Variants in SHC1 observed in about 807,000 individuals in gnomAD.
The protein encoded by SHC1 is SHC adaptor protein 1, also known as SHC-transforming protein 1.
In SHC1, 30 loss-of-function variants were observed where a neutral mutation model predicts 55.9. The ratio of observed to expected loss-of-function variants is 0.54; its 90% confidence interval spans 0.40 to 0.73. The LOEUF (loss-of-function observed/expected upper bound fraction) is 0.73. Ranked by LOEUF, SHC1 falls within the 30% of genes least tolerant of loss-of-function variation. SHC1 has a pLI of 0.00. For missense variants in SHC1, 675 were observed against 777.1 expected (o/e 0.87, Z 1.56); for synonymous variants, 309 against 306.1 (o/e 1.01, Z -0.10).
At chr1:154,971,963 T>A (rs1326801787), upstream of SHC1, among the ~76,000 whole-genome samples, 1 of 151,014 alleles carries the variant, frequency 6.6e-6, no homozygotes, top group East Asian at 1.9e-4. Context: ...AGATACGTAT[T>A]CCTACCGGGC....
In SHC1 at chr1:154,963,682, G is replaced by T; in HGVS notation, c.*121C>A. On this transcript the variant is annotated 3_prime_UTR_variant, in exon 12 of 12. Coordinates refer to ENST00000448116, the MANE Select transcript of SHC1 (RefSeq NM_001130040.2). ...GCTGGATATGAAACCCAGAGTCCAT[G>T]CTACTCCCAGCTCTGACACAAGGCC... 9.8e-7 allele frequency: 1 copy of T among 1,017,698 alleles called. No homozygotes were observed. 63.0% of individuals were successfully genotyped at this position (1,017,698 alleles called of 1,614,324 possible).
chr1:154,964,061 G>T, intron 11 of SHC1, 130 bp from the exon 12 acceptor site: 1 of 928,998 alleles, frequency 1.1e-6, no homozygotes, highest in Non-Finnish European at 1.8e-6. Context: ...GGAGAGTGTG[G>T]CCTGTCAATC....
At position 154,969,993 on chromosome 1, in the gene SHC1, G is replaced by A. The variant is rs367732071; in HGVS notation, c.495+39C>T. 55 of 1,609,088 alleles carry A rather than the reference G, an allele frequency of 3.4e-5. No individual in the cohort carries two copies. The African/African-American group carries it at 7.1e-4, about 21-fold the overall frequency. Reference sequence around the variant, plus strand: ...GCTGGAGTGAGCATTAGAACTGGAGGGGGTCTGCGGGGGAATGGAGAGGAG... The same window carrying A: ...GCTGGAGTGAGCATTAGAACTGGAGAGGGTCTGCGGGGGAATGGAGAGGAG... On this transcript the variant is annotated intron_variant, in intron 1 of 11. Coordinates refer to ENST00000448116, the MANE Select transcript of SHC1 (RefSeq NM_001130040.2).
At position 154,965,496 on chromosome 1, in the gene SHC1, G is replaced by A. The variant is rs764150976; in HGVS notation, c.1626+47C>T. The A allele has an allele frequency of 5.6e-6, 9 of 1,613,924 alleles. No homozygotes were observed. In the South Asian group the frequency reaches 7.7e-5, roughly 14 times the overall value. ...GAAGAGGGATACACTGTAGGGTACTGTACCTTCCTTTTTGCCACCCCTCAC... is the reference window on the plus strand; with the variant it reads ...GAAGAGGGATACACTGTAGGGTACTATACCTTCCTTTTTGCCACCCCTCAC... On this transcript the variant is annotated intron_variant, in intron 11 of 11. Transcript: ENST00000448116.
At chr1:154,968,915 G>A (rs1334884379) in intron 2 of SHC1, 81 bp from the exon 3 acceptor site, 9 of 1,266,796 alleles carry the variant, frequency 7.1e-6, no homozygotes, top group Non-Finnish European at 8.1e-6. Context: ...GCTGGGGGAG[G>A]GGAAAGCCAG....
In SHC1 at chr1:154,963,704, G is replaced by A; in HGVS notation, c.*99C>T. On this transcript the variant is annotated 3_prime_UTR_variant, in exon 12 of 12. Transcript: ENST00000448116. ...CATGCTACTCCCAGCTCTGACACAA[G>A]GCCAAGCCCACAGAACACTCCCAAA... The A allele has an allele frequency of 7.4e-7, 1 of 1,357,308 alleles. No individual in the cohort carries two copies. The highest frequency in any genetic ancestry group is 1.3e-5 in the South Asian group (1 of 76,530). The allele number at this position is 1,357,308 out of a possible 1,614,324, so 84.1% of individuals were successfully genotyped here.
At chr1:154,964,219 C>T (rs1655641378) in intron 11 of SHC1, 1 of 524,358 alleles carries the variant, frequency 1.9e-6, no homozygotes, top group East Asian at 5.2e-5. Context: ...TGGCATGTCT[C>T]AGAAGAGTAT....
chr1:154,965,973 T>G lies in SHC1; in HGVS notation c.1360A>C (p.Ser454Arg), dbSNP rs779412057. Residue 454 changes from serine to arginine, a missense_variant, in exon 10 of 12, where the codon AGT (serine) becomes CGT (arginine). Around this residue, in one of 3 missense-constraint regions of SHC1, gnomAD observed 360 missense variants for 371.1 expected, o/e 0.97. Transcript: ENST00000448116. ...ATGTCAAACAGGTCCCGGGGTGCAC[T>G]GCCATTGATAGCAGGATTGGGGGGC... ...AGPPNPAING[S>R]APRDLFDMKP... 6 of 1,613,648 alleles carry G rather than the reference T, an allele frequency of 3.7e-6. No homozygotes were observed. In the Admixed American group the frequency reaches 1.0e-4, roughly 27 times the overall value.
chr1:154,973,804 A>G (rs1372917681), upstream of SHC1, among the ~76,000 whole-genome samples: 1 of 152,070 alleles, frequency 6.6e-6, no homozygotes, highest in Non-Finnish European at 1.5e-5. Flanking sequence ...CTGGGCGGGG[A>G]GGCTTTCTGG....
At chr1:154,969,820 G>A (rs1265543509) in intron 1 of SHC1, among the ~76,000 whole-genome samples, 1 of 151,808 alleles carries the variant, frequency 6.6e-6, no homozygotes, top group Non-Finnish European at 1.5e-5. Context: ...CCAGGGTGGG[G>A]GTGGGGGAGT....
rs142285537 is a variant in SHC1 at position 154,963,123 on chromosome 1, C to T, written c.*680G>A. 249 of 153,100 alleles carry T rather than the reference C, an allele frequency of 1.6e-3. 1 individual carries two copies. Among genetic ancestry groups the T allele is most frequent in the Admixed American group, 3.6e-3 (55 of 15,348 alleles). 9.5% of individuals were successfully genotyped at this position (153,100 alleles called of 1,614,324 possible). ...GGGGCCCCGGCCAGGAGGCACTGAG[C>T]AAGGGAGGGGTCCATCTCCCGCCTG... On this transcript the variant is annotated 3_prime_UTR_variant, in exon 12 of 12. Transcript: ENST00000448116.
intron 1 of SHC1, among the ~76,000 whole-genome samples, 161 bp downstream of exon 1, chr1:154,969,871 G>T (rs565612843): frequency 6.6e-6 from 1 of 151,914 alleles, no homozygotes; most frequent in Non-Finnish European, 1.5e-5. Flanking sequence ...GGAAGGGAAG[G>T]GGCTACAGAA....
chr1:154,967,916 A>G, intron 6 of SHC1, 64 bp downstream of exon 6: 1 of 1,607,214 alleles, frequency 6.2e-7, no homozygotes, highest in Non-Finnish European at 8.5e-7. Context: ...GGTACAGATG[A>G]CCAAAGGTCC....
At position 154,968,788 on chromosome 1, in the gene SHC1, C is replaced by A. The variant is rs1336864346; in HGVS notation, c.613G>T (p.Ala205Ser). Reference sequence around the variant, plus strand: ...CCAAGTACCTTTCTCCTCCTTGTCGCCCCCTTAGCACCCGGCACAGCCTCA... The same window carrying A: ...CCAAGTACCTTTCTCCTCCTTGTCGACCCCTTAGCACCCGGCACAGCCTCA... ...VCEAVPGAKG[A>S]TRRRKPCSRP... Residue 205 changes from alanine (A) to serine (S), a missense_variant, in exon 3 of 12, where the codon GCG (alanine) becomes TCG (serine). By Grantham distance (99) the Ala-to-Ser change is moderately conservative (BLOSUM62 1). Around this residue, in one of 3 missense-constraint regions of SHC1, gnomAD observed 159 missense variants for 246.9 expected, o/e 0.64. Transcript: ENST00000448116. 2 of 1,613,728 alleles carry A rather than the reference C, an allele frequency of 1.2e-6. No individual in the cohort carries two copies. Among genetic ancestry groups the A allele is most frequent in the East Asian group, 2.2e-5 (1 of 44,868 alleles).
chr1:154,969,920 T>C, intron 1 of SHC1, 112 bp downstream of exon 1: 2 of 1,204,718 alleles, frequency 1.7e-6, no homozygotes, highest in Middle Eastern at 2.1e-4. Context: ...AATAGGACAC[T>C]GAAACGGGGT....
upstream of SHC1, among the ~76,000 whole-genome samples, chr1:154,971,255 G>A (rs1403961257): frequency 6.6e-6 from 1 of 152,164 alleles, no homozygotes; most frequent in Non-Finnish European, 1.5e-5. Context: ...CATACAGTAA[G>A]CCTGGGCCAT....
rs1482661690 is a variant in SHC1 at position 154,966,006 on chromosome 1, C to A, written c.1327G>T (p.Gly443Cys). 3 of 1,614,094 alleles carry A rather than the reference C, an allele frequency of 1.9e-6. No homozygotes were observed. Among genetic ancestry groups the A allele is most frequent in the Non-Finnish European group, 2.5e-6 (3 of 1,179,998 alleles). ...NLDKARQAVG[G>C]AGPPNPAING... ...ATAGCAGGATTGGGGGGCCCAGCAC[C>A]ACCCACTGCTTGCCGGGCCTTGTCT... Residue 443 changes from glycine to cysteine, a missense_variant, in exon 10 of 12, where the codon GGT (glycine) becomes TGT (cysteine). Around this residue, in one of 3 missense-constraint regions of SHC1, gnomAD observed 360 missense variants for 371.1 expected, o/e 0.97. Transcript: ENST00000448116.
At chr1:154,974,179 T>A (rs1317563289), upstream of SHC1, 1 of 154,400 alleles carries the variant, frequency 6.5e-6, no homozygotes, top group African/African-American at 2.4e-5. Context: ...AGACCGGAAG[T>A]GGGGTCCCGG....
At chr1:154,967,562 G>A (rs1656162707) in intron 7 of SHC1, 109 bp downstream of exon 7, 2 of 1,187,296 alleles carry the variant, frequency 1.7e-6, no homozygotes, top group East Asian at 2.4e-5. Context: ...GGAAGCAGAG[G>A]CACACAGGTT....
Sources: gnomAD v4.1 joint callset for allele counts (sites outside exome capture counted in the v4.1 genomes callset) on GRCh38, gnomAD v4.1.1 for gene constraint, gnomAD v4.1.1 regional missense constraint, MANE v1.5 for transcripts, NCBI Gene and HGNC (gene_info 2026-07-23, HGNC 2026-07-21) for gene names.